PTPRM: variants seen among roughly 807,000 people sequenced by gnomAD.
The protein encoded by PTPRM is protein tyrosine phosphatase receptor type M.
PTPRM carries 47 observed loss-of-function variants against 186.7 expected under a neutral mutation model. The observed-to-expected ratio is 0.25, with a 90% CI of 0.20 to 0.32. The LOEUF (loss-of-function observed/expected upper bound fraction) is 0.32, where lower values mean the gene tolerates loss of function less well. PTPRM is among the 10% of genes least tolerant of loss of function. PTPRM has a pLI of 1.00. For missense variants in PTPRM, 1,494 were observed against 1,865.0 expected, an observed-to-expected ratio of 0.80 and a Z score of 3.66; for synonymous variants, 668 against 674.9, an observed-to-expected ratio of 0.99 and a Z score of 0.16.
chr18:8,406,113 A>G lies in PTPRM; in HGVS notation c.4349A>G (p.Gln1450Arg). Residue 1450 changes from glutamine to arginine, a missense_variant, in exon 33 of 33, where the codon CAG (glutamine) becomes CGG (arginine). This residue lies in a region of PTPRM where 1,107 missense variants were observed against 1,350.2 expected (regional missense o/e 0.82). Coordinates refer to ENST00000580170, the MANE Select transcript of PTPRM (RefSeq NM_001105244.2). ...NKPNMVDLLD[Q>R]YKFCYEVALE... is the part of the protein sequence containing the mutation. Reference sequence around the variant, plus strand: ...CTTTCCCCTCCTGTTTTCCAGGATCAGTACAAGTTCTGCTACGAGGTGGCC... The same window carrying G: ...CTTTCCCCTCCTGTTTTCCAGGATCGGTACAAGTTCTGCTACGAGGTGGCC... 6.2e-7 allele frequency: 1 copy of G among 1,614,188 alleles called. No individual in the cohort carries two copies. Among genetic ancestry groups the G allele is most frequent in the South Asian group, 1.1e-5 (1 of 91,086 alleles).
At chr18:7,819,942 C>T (rs964899769) in intron 2 of PTPRM, among the ~76,000 whole-genome samples, 2 of 152,166 alleles carry the variant, frequency 1.3e-5, no homozygotes, top group African/African-American at 4.8e-5. Flanking sequence ...AGGACTTTTC[C>T]CCAAGAGGCA....
intron 1 of PTPRM, among the ~76,000 whole-genome samples, chr18:7,732,421 G>A (rs2040679630): frequency 6.6e-6 from 1 of 151,830 alleles, no homozygotes; most frequent in Non-Finnish European, 1.5e-5. Flanking sequence ...CTGTATTCTG[G>A]GTAGCCAGGA....
intron 14 of PTPRM, among the ~76,000 whole-genome samples, chr18:8,149,210 A>T (rs2092949300): frequency 6.6e-6 from 1 of 152,052 alleles, no homozygotes; most frequent in Non-Finnish European, 1.5e-5. Flanking sequence ...TATCCTTGTT[A>T]ATTTTCTGTC....
intron 1 of PTPRM, among the ~76,000 whole-genome samples, chr18:7,700,893 C>CT (rs1323739311): frequency 6.9e-6 from 1 of 145,866 alleles, no homozygotes; most frequent in African/African-American, 2.5e-5. Flanking sequence ...GTGAGAATTG[C>CT]TTGAGCCCAG....
At chr18:7,921,068 T>A (rs551757631) in intron 4 of PTPRM, among the ~76,000 whole-genome samples, 114 of 152,242 alleles carry the variant, frequency 7.5e-4, no homozygotes, top group African/African-American at 2.5e-3. Flanking sequence ...TCTTTTGGGG[T>A]AGCCTTATTT....
chr18:8,263,821 G>A (rs2094664683), intron 19 of PTPRM, among the ~76,000 whole-genome samples: 1 of 152,192 alleles, frequency 6.6e-6, no homozygotes, highest in African/African-American at 2.4e-5. Context: ...GAAGCTTGGC[G>A]TCCTGGCCCC....
intron 7 of PTPRM, among the ~76,000 whole-genome samples, chr18:8,048,585 T>TAA (rs5822990): frequency 3.5e-5 from 5 of 144,920 alleles, no homozygotes; most frequent in African/African-American, 1.3e-4. Flanking sequence ...AAGTCTTTTT[T>TAA]AAAAAAAAAA....
chr18:7,584,856 G>A (rs1029406073), intron 1 of PTPRM, among the ~76,000 whole-genome samples: 4 of 152,230 alleles, frequency 2.6e-5, no homozygotes, highest in African/African-American at 7.2e-5. Flanking sequence ...TATAAGTCCT[G>A]TGCTGAGGCC....
chr18:7,825,609 G>T (rs1201010572), intron 2 of PTPRM, among the ~76,000 whole-genome samples: 1 of 152,098 alleles, frequency 6.6e-6, no homozygotes, highest in African/African-American at 2.4e-5. Context: ...AAGGAATAGA[G>T]GTTGGCTGAT....
intron 1 of PTPRM, among the ~76,000 whole-genome samples, chr18:7,699,190 A>C (rs1166481490): frequency 6.6e-6 from 1 of 152,194 alleles, no homozygotes; most frequent in Non-Finnish European, 1.5e-5. Flanking sequence ...GAGGTGGAAC[A>C]GTTTCATCCC....
chr18:7,605,971 A>C, intron 1 of PTPRM, among the ~76,000 whole-genome samples: 1 of 152,162 alleles, frequency 6.6e-6, no homozygotes, highest in East Asian at 1.9e-4. Context: ...GGGGATGAGC[A>C]GGATGTAGGA....
chr18:7,772,351 CTTTCTTTCTTTCTTTCTTTCTT>C (rs2042328736), intron 1 of PTPRM, among the ~76,000 whole-genome samples: 1 of 14,370 alleles, frequency 7.0e-5, no homozygotes, highest in Non-Finnish European at 1.8e-4. Context: ...CTTTCTTTCT[CTTTCTTTCTTTCTTTCTTTCTT>C]TCTTTCTTTC....
At chr18:7,775,762 T>G (rs2042551918) in intron 2 of PTPRM, among the ~76,000 whole-genome samples, 2 of 152,252 alleles carry the variant, frequency 1.3e-5, no homozygotes. Context: ...GAAACTTGAC[T>G]TGAAAAAATC....
chr18:8,392,425 C>T (rs1001699733), intron 31 of PTPRM, among the ~76,000 whole-genome samples: 4 of 152,082 alleles, frequency 2.6e-5, no homozygotes, highest in African/African-American at 4.8e-5. Context: ...GAGATTGAGA[C>T]TATCCTGGCT....
intron 8 of PTPRM, among the ~76,000 whole-genome samples, 171 bp from the exon 9 acceptor site, chr18:8,076,284 A>G (rs926641843): frequency 1.3e-5 from 2 of 152,318 alleles, no homozygotes; most frequent in South Asian, 2.1e-4. Context: ...TCTTTTAATC[A>G]AGACAGTGTA....
intron 14 of PTPRM, among the ~76,000 whole-genome samples, chr18:8,153,195 G>C (rs1270346664): frequency 1.3e-5 from 2 of 152,088 alleles, no homozygotes; most frequent in African/African-American, 4.8e-5. Context: ...TTTTAATTCC[G>C]GGAATATGGT....
intron 7 of PTPRM, among the ~76,000 whole-genome samples, chr18:7,977,494 C>T (rs1307322991): frequency 2.0e-5 from 3 of 152,112 alleles, no homozygotes; most frequent in Non-Finnish European, 2.9e-5. Flanking sequence ...GTCCAGGGAA[C>T]AGCCTTGGAA....
intron 19 of PTPRM, among the ~76,000 whole-genome samples, chr18:8,260,995 T>C (rs899259397): frequency 6.6e-6 from 1 of 152,162 alleles, no homozygotes; most frequent in African/African-American, 2.4e-5. Flanking sequence ...TCAAAGGCGC[T>C]TTGTGTTACT....
chr18:7,918,261 G>A (rs1337164699), intron 4 of PTPRM, among the ~76,000 whole-genome samples: 1 of 151,736 alleles, frequency 6.6e-6, no homozygotes, highest in Non-Finnish European at 1.5e-5. Context: ...ACCAAGTAGT[G>A]GAATTGCTGG....
Sources: gnomAD v4.1 joint callset for allele counts (sites outside exome capture counted in the v4.1 genomes callset) on GRCh38, gnomAD v4.1.1 for gene constraint, gnomAD v4.1.1 regional missense constraint, MANE v1.5 for transcripts, NCBI Gene and HGNC (gene_info 2026-07-23, HGNC 2026-07-21) for gene names.